Variants in ZBTB21 observed in about 807,000 individuals in gnomAD.
ZBTB21 encodes the protein zinc finger and BTB domain-containing protein 21.
A neutral mutation model predicts 39.8 loss-of-function variants in ZBTB21; 10 were observed. That is an observed-to-expected ratio of 0.25 (90% confidence interval 0.16 to 0.43). The LOEUF is 0.43. Among genes scored for constraint, ZBTB21 ranks in the 20% least tolerant of loss-of-function variants. ZBTB21 has a pLI of 1.00. For synonymous variants in ZBTB21, 551 were observed against 498.8 expected (o/e 1.10, Z -1.40); for missense variants, 1,221 against 1,296.3 (o/e 0.94, Z 0.89).
rs767514160 is a variant in ZBTB21 at position 41,991,036 on chromosome 21, CACAA to C, written c.3056_3059del (p.Phe1019CysfsTer77). ...AAAAAAGGGTGTCTGATTCTTGGGG[CACAA>C]ACAGTTTTTCTGTGGCTGGAGTTGG... is the stretch of plus-strand genomic sequence containing the variant. On this transcript the variant is annotated frameshift_variant, in exon 3 of 3. Transcript: ENST00000310826. LOFTEE classifies it high-confidence loss of function. The surrounding 1 kb of genome is among the most constrained non-coding windows in gnomAD (Gnocchi z 4.9). 1.9e-6 allele frequency: 3 copies of C among 1,583,904 alleles called. No individual in the cohort carries two copies. Among genetic ancestry groups the C allele is most frequent in the Non-Finnish European group, 2.6e-6 (3 of 1,166,052 alleles).
rs572463453 is a variant in ZBTB21, at chr21:41,993,573, G to A, written c.523C>T (p.Arg175Trp). 25 of 1,614,254 alleles carry A rather than the reference G, an allele frequency of 1.5e-5. 1 individual carries two copies. In the East Asian group the frequency reaches 3.1e-4, roughly 20 times the overall value. ...TTGACTGCAATGCTAGGAGAGGGCC[G>A]GGAAGTATGGCTTACATCGGGTTGA... is the stretch of plus-strand genomic sequence containing the variant. ...QNQPDVSHTS[R>W]PSPSIAVKAN... The change falls in exon 3 of 3, where the codon CGG (arginine) becomes TGG (tryptophan). Residue 175 changes from arginine (R) to tryptophan (W), a missense_variant. By Grantham distance (101) the Arg-to-Trp change is moderately radical. Around this residue, in one of 4 missense-constraint regions of ZBTB21, gnomAD observed 500 missense variants for 465.6 expected, o/e 1.07. Transcript: ENST00000310826.
At chr21:42,008,540 CAAAAAAAA>C (rs68176203) in intron 1 of ZBTB21, among the ~76,000 whole-genome samples, 25 of 60,332 alleles carry the variant, frequency 4.1e-4, no homozygotes, top group South Asian at 2.6e-3. Context: ...GAAACTCTGT[CAAAAAAAA>C]AAAAAAAAAA....
At chr21:42,006,890 A>G (rs2146345629) in intron 1 of ZBTB21, among the ~76,000 whole-genome samples, 1 of 152,374 alleles carries the variant, frequency 6.6e-6, no homozygotes, top group Admixed American at 6.5e-5. Flanking sequence ...AGAAGATGCC[A>G]TCTATAAGCC....
rs1399521420 is a variant in ZBTB21 at position 41,990,682 on chromosome 21, G to A, written c.*213C>T. The A allele has an allele frequency of 1.3e-5, 5 of 396,014 alleles. No homozygotes were observed. Among genetic ancestry groups the A allele is most frequent in the African/African-American group, 2.1e-5 (1 of 48,288 alleles). The allele number at this position is 396,014 out of a possible 1,614,324, so 24.5% of individuals were successfully genotyped here. A position where few individuals can be genotyped will look rare whatever the true frequency, so the allele number is the denominator to read the frequency against. ...AATGAAATCAAACCATCTTGTTCTTGTAAGGTCCAGAACCACAATATTTTA... is the reference window on the plus strand; with the variant it reads ...AATGAAATCAAACCATCTTGTTCTTATAAGGTCCAGAACCACAATATTTTA... On this transcript the variant is annotated 3_prime_UTR_variant, in exon 3 of 3. Transcript: ENST00000310826.
Position 41,992,173 on chromosome 21 carries a change from G to A in ZBTB21, c.1923C>T (p.Arg641=), listed in dbSNP as rs370748882. The A allele has an allele frequency of 5.1e-5, 83 of 1,614,166 alleles. 1 individual carries two copies. The highest frequency in any genetic ancestry group is 4.8e-4 in the South Asian group (44 of 91,086). The part of the protein sequence containing the change: ...IKKALIIKLR[R]GKPGFQGQSS... ...TCTGTCCCTGAAAACCAGGCTTGCCGCGCCTTAACTTAATGATCAGGGCCT... is the reference window on the plus strand; with the variant it reads ...TCTGTCCCTGAAAACCAGGCTTGCCACGCCTTAACTTAATGATCAGGGCCT... The change falls in exon 3 of 3, where the codon CGC becomes CGT. Residue 641 remains arginine, a synonymous_variant. Transcript: ENST00000310826. The surrounding 1 kb of genome is among the most constrained non-coding windows in gnomAD (Gnocchi z 4.1).
chr21:42,004,531 C>A (rs2065855999), intron 1 of ZBTB21, among the ~76,000 whole-genome samples: 1 of 152,000 alleles, frequency 6.6e-6, no homozygotes, highest in African/African-American at 2.4e-5. Context: ...GGAAAGGGAT[C>A]AAAATAATCT....
chr21:41,999,256 C>G (rs1043720198), intron 2 of ZBTB21, among the ~76,000 whole-genome samples: 1 of 152,166 alleles, frequency 6.6e-6, no homozygotes, highest in Non-Finnish European at 1.5e-5. Flanking sequence ...AAAAGGGGTT[C>G]TTAAACTCAA....
At position 41,993,132 on chromosome 21, in the gene ZBTB21, A is replaced by G. The variant is rs777816360; in HGVS notation, c.964T>C (p.Ser322Pro). 1 of 1,614,220 alleles carries G rather than the reference A, an allele frequency of 6.2e-7. No individual in the cohort carries two copies. The highest frequency in any genetic ancestry group is 8.5e-7 in the Non-Finnish European group (1 of 1,180,042). The change falls in exon 3 of 3, where the codon TCT becomes CCT. Residue 322 changes from serine (S) to proline (P), a missense_variant. Coordinates refer to ENST00000310826, the MANE Select transcript of ZBTB21 (RefSeq NM_001098402.2). ...TCAATGCTTTGGTTTCCAGAACCAG[A>G]TCCACTGGATGGGATCACTAAGCCT... Reference protein sequence around the residue: ...KLGLVIPSSGSGSGNQSIDRS... With the variant: ...KLGLVIPSSGPGSGNQSIDRS...
At chr21:42,007,195 A>G (rs2065888583) in intron 1 of ZBTB21, among the ~76,000 whole-genome samples, 1 of 152,218 alleles carries the variant, frequency 6.6e-6, no homozygotes, top group Non-Finnish European at 1.5e-5. Context: ...TTTTGGCATT[A>G]TCAATGCTCA....
intron 2 of ZBTB21, among the ~76,000 whole-genome samples, chr21:42,001,997 G>A (rs902671740): frequency 5.3e-5 from 8 of 152,184 alleles, no homozygotes; most frequent in African/African-American, 1.9e-4. Context: ...CTGGTGAAAG[G>A]TAAAGGTACA....
chr21:42,008,559 A>G (rs867415788), intron 1 of ZBTB21, among the ~76,000 whole-genome samples: 48 of 129,918 alleles, frequency 3.7e-4, no homozygotes, highest in Non-Finnish European at 4.6e-4. Context: ...AAAAAAAAAA[A>G]AAAGAAAAAA....
In ZBTB21 at chr21:41,992,944, T is replaced by G. The variant is rs756281503; in HGVS notation, c.1152A>C (p.Ser384=). The G allele has an allele frequency of 6.2e-7, 1 of 1,614,216 alleles. No individual in the cohort carries two copies. Among genetic ancestry groups the G allele is most frequent in the Non-Finnish European group, 8.5e-7 (1 of 1,180,034 alleles). Residue 384 remains serine (S), a synonymous_variant, in exon 3 of 3, where the codon TCA becomes TCC. Transcript: ENST00000310826. This position sits in a 1 kb window ranked among gnomAD's most constrained non-coding sequence, Gnocchi z 4.1. ...GNVLCALSQK[S]SLKDCSEKTA... is the part of the protein sequence containing the mutation. The stretch of plus-strand genomic sequence containing the variant: ...TTTTTTCACTACAATCTTTTAAAGA[T>G]GACTTCTGAGATAAAGCACACAACA...
At chr21:42,001,309 T>C (rs951355182) in intron 2 of ZBTB21, among the ~76,000 whole-genome samples, 4 of 152,216 alleles carry the variant, frequency 2.6e-5, no homozygotes, top group African/African-American at 7.2e-5. Context: ...AACTGAGGCA[T>C]TGAGAGGTCA....
At chr21:42,001,465 G>C (rs1207718156) in intron 2 of ZBTB21, among the ~76,000 whole-genome samples, 1 of 152,204 alleles carries the variant, frequency 6.6e-6, no homozygotes, top group Non-Finnish European at 1.5e-5. Flanking sequence ...TGCAGGAAGA[G>C]AACAGGTCAA....
chr21:41,992,409 G>A lies in ZBTB21; in HGVS notation c.1687C>T (p.Arg563Cys), dbSNP rs1311550047. The change falls in exon 3 of 3, where the codon CGT becomes TGT. Residue 563 changes from arginine (R) to cysteine (C), a missense_variant. Physicochemically the swap from Arg to Cys is radical, Grantham distance 180. Coordinates refer to ENST00000310826, the MANE Select transcript of ZBTB21 (RefSeq NM_001098402.2). This position sits in a 1 kb window ranked among gnomAD's most constrained non-coding sequence, Gnocchi z 4.1. Reference protein sequence around the residue: ...KIFRSTAGLHRHVNMYHNPEK... With the variant: ...KIFRSTAGLHCHVNMYHNPEK... ...GGGTTATGGTACATGTTAACATGACGGTGAAGACCTGCTGTTGATCTAAAG... is the reference window on the plus strand; with the variant it reads ...GGGTTATGGTACATGTTAACATGACAGTGAAGACCTGCTGTTGATCTAAAG... 1.1e-5 allele frequency: 17 copies of A among 1,613,990 alleles called. No homozygotes were observed. The highest frequency in any genetic ancestry group is 3.3e-5 in the Admixed American group (2 of 59,998).
Position 41,993,785 on chromosome 21 carries a change from T to G in ZBTB21, c.311A>C (p.Glu104Ala). The change falls in exon 3 of 3, where the codon GAA (glutamate) becomes GCA (alanine). Residue 104 changes from glutamate (E) to alanine (A), a missense_variant. Physicochemically the swap from Glu to Ala is moderately radical, Grantham distance 107 (BLOSUM62 -1). Coordinates refer to ENST00000310826, the MANE Select transcript of ZBTB21 (RefSeq NM_001098402.2). ...GGAAATCCCAAGACTATAGCCAAGT[T>G]CTTGCACAGCAGCAAGGCTGCTCTT... ...VEKSSLAAVQ[E>A]LGYSLGISFL... 6.2e-7 allele frequency: 1 copy of G among 1,614,234 alleles called. No homozygotes were observed. Among genetic ancestry groups the G allele is most frequent in the South Asian group, 1.1e-5 (1 of 91,082 alleles).
chr21:41,995,017 C>T (rs2065727215), intron 2 of ZBTB21, among the ~76,000 whole-genome samples: 1 of 152,212 alleles, frequency 6.6e-6, no homozygotes, highest in Admixed American at 6.5e-5. Flanking sequence ...AAAGGCCTCC[C>T]CAACCACGTG....
At position 42,009,682 on chromosome 21, in the gene ZBTB21, C is replaced by T. The variant is rs551100767; in HGVS notation, c.-79+570G>A. On this transcript the variant is annotated intron_variant, in intron 1 of 2. Coordinates refer to ENST00000310826, the MANE Select transcript of ZBTB21 (RefSeq NM_001098402.2). ...GAGGGAGCGTCCAGCGGGCACCGAG[C>T]GGTCACGCTCCGGCCACCGGGCCGA... is the stretch of plus-strand genomic sequence containing the variant. 2.9e-4 allele frequency: 44 copies of T among 152,924 alleles called. No individual in the cohort carries two copies. The East Asian group carries it at 7.0e-3, about 24-fold the overall frequency. 9.5% of individuals were successfully genotyped at this position (152,924 alleles called of 1,614,324 possible).
In ZBTB21 at chr21:41,987,926, C is replaced by A. The variant is rs693386; in HGVS notation, c.*2969G>T. The A allele has an allele frequency of 0.38, 57,738 of 152,064 alleles. 12,226 individuals carry two copies. The highest frequency in any genetic ancestry group is 0.55 in the African/African-American group (22,588 of 41,434). The allele number at this position is 152,064 out of a possible 1,614,324, so 9.4% of individuals were successfully genotyped here. A position where few individuals can be genotyped will look rare whatever the true frequency, so the allele number is the denominator to read the frequency against. Reference sequence around the variant, plus strand: ...CTACATATGGATTCAAACGGTCACTCATTAAGTGCTGGGGCACATTTTTAC... The same window carrying A: ...CTACATATGGATTCAAACGGTCACTAATTAAGTGCTGGGGCACATTTTTAC... On this transcript the variant is annotated 3_prime_UTR_variant, in exon 3 of 3. Transcript: ENST00000310826.
Sources: allele counts gnomAD v4.1 joint callset (sites outside exome capture counted in the v4.1 genomes callset), GRCh38; gene constraint gnomAD v4.1.1; regional missense constraint gnomAD v4.1.1; non-coding constraint Gnocchi (gnomAD v3.1); transcripts MANE v1.5; gene names NCBI Gene and HGNC (gene_info 2026-07-23, HGNC 2026-07-21).